The following SYCP1 variants were observed in gnomAD, a reference collection of about 807,000 sequenced individuals.
SYCP1 encodes cancer/testis antigen 8.
In SYCP1, 64 loss-of-function variants were observed where a neutral mutation model predicts 153.1. The ratio of observed to expected loss-of-function variants is 0.42; its 90% confidence interval spans 0.34 to 0.51. The LOEUF (loss-of-function observed/expected upper bound fraction) is 0.51, where lower values mean the gene tolerates loss of function less well. Ranked by LOEUF, SYCP1 falls within the 20% of genes least tolerant of loss-of-function variation. SYCP1 has a pLI of 0.06. For synonymous variants in SYCP1, 384 were observed against 341.8 expected, an observed-to-expected ratio of 1.12 and a Z score of -1.36; for missense variants, 997 against 1,049.0, an observed-to-expected ratio of 0.95 and a Z score of 0.68.
chr1:114,912,108 C>G (rs1249474092), intron 18 of SYCP1, among the ~76,000 whole-genome samples: 4 of 151,880 alleles, frequency 2.6e-5, no homozygotes, highest in African/African-American at 7.3e-5. Context: ...GGTGGCTTCT[C>G]AGTGCTAGAT....
chr1:114,928,267 A>T (rs917865508), intron 23 of SYCP1, among the ~76,000 whole-genome samples: 1 of 150,216 alleles, frequency 6.7e-6, no homozygotes, highest in African/African-American at 2.4e-5. Flanking sequence ...TGCTAAAACC[A>T]AAGATAAAAA....
intron 3 of SYCP1, 75 bp from the exon 4 acceptor site, chr1:114,857,157 A>AAAAG (rs1664040863): frequency 5.0e-5 from 44 of 881,574 alleles, no homozygotes; most frequent in Non-Finnish European, 6.3e-5. Context: ...AAAAAAAAAA[A>AAAAG]GAGAAAAAAG....
Position 114,994,764 on chromosome 1 carries a change from C to T in SYCP1, c.2770C>T (p.Leu924Phe). The T allele has an allele frequency of 6.3e-7, 1 of 1,593,132 alleles. No homozygotes were observed. The highest frequency in any genetic ancestry group is 1.2e-5 in the South Asian group (1 of 86,044). Residue 924 changes from leucine (L) to phenylalanine (F), a missense_variant, in exon 31 of 32, where the codon CTT (leucine) becomes TTT (phenylalanine). By Grantham distance (22) the Leu-to-Phe change is conservative (BLOSUM62 0). Coordinates refer to ENST00000369522, the MANE Select transcript of SYCP1 (RefSeq NM_003176.4). ...YRNNNPPASH[L>F]CVKTPKKAPS... ...GAACAATAATCCACCAGCTTCTCAT[C>T]TTTGTGTCAAAACACCAAAAAAGGT...
rs1243637525 is a variant in SYCP1, at chr1:114,994,784, A to G, written c.2790A>G (p.Lys930=). The G allele has an allele frequency of 6.3e-7, 1 of 1,588,086 alleles. No homozygotes were observed. The highest frequency in any genetic ancestry group is 1.4e-5 in the African/African-American group (1 of 72,980). The part of the protein sequence containing the change: ...PASHLCVKTP[K]KAPSSLTTPG... ...CTCATCTTTGTGTCAAAACACCAAA[A>G]AAGGTAGCTTTTAAATTTTATTTCA... The change falls in exon 31 of 32, where the codon AAA becomes AAG. Residue 930 remains lysine, a synonymous_variant. Coordinates refer to ENST00000369522, the MANE Select transcript of SYCP1 (RefSeq NM_003176.4).
At chr1:114,988,722 C>T (rs1451627042) in intron 30 of SYCP1, among the ~76,000 whole-genome samples, 1 of 152,006 alleles carries the variant, frequency 6.6e-6, no homozygotes, top group Non-Finnish European at 1.5e-5. Flanking sequence ...ATAAATATCT[C>T]TGGTAAACGT....
chr1:114,927,931 C>T (rs1399247586), intron 23 of SYCP1, among the ~76,000 whole-genome samples: 1 of 152,048 alleles, frequency 6.6e-6, no homozygotes. Flanking sequence ...GGTGATCCTC[C>T]TACCTCAGCC....
At chr1:114,929,800 T>G (rs900278151) in intron 23 of SYCP1, among the ~76,000 whole-genome samples, 2 of 152,064 alleles carry the variant, frequency 1.3e-5, no homozygotes, top group African/African-American at 4.8e-5. Context: ...GAACAACTAT[T>G]AAAACATCTA....
intron 15 of SYCP1, among the ~76,000 whole-genome samples, chr1:114,892,188 C>T (rs1236273623): frequency 6.6e-6 from 1 of 152,038 alleles, no homozygotes; most frequent in Non-Finnish European, 1.5e-5. Context: ...TCCTCGTGGG[C>T]CTATCTTCAG....
intron 12 of SYCP1, among the ~76,000 whole-genome samples, chr1:114,884,619 A>G (rs896867595): frequency 6.6e-6 from 1 of 152,162 alleles, no homozygotes; most frequent in Admixed American, 6.6e-5. Context: ...ATATATCACC[A>G]TTATCATCAT....
chr1:114,854,160 T>C (rs1254802818), upstream of SYCP1, among the ~76,000 whole-genome samples: 1 of 151,686 alleles, frequency 6.6e-6, no homozygotes, highest in African/African-American at 2.4e-5. Flanking sequence ...CTCTCTCTCT[T>C]TGAGACAGAA....
chr1:114,953,216 C>G (rs1419500001), intron 27 of SYCP1, among the ~76,000 whole-genome samples: 1 of 152,234 alleles, frequency 6.6e-6, no homozygotes, highest in Non-Finnish European at 1.5e-5. Context: ...TACAAACATT[C>G]AAACCATAGC....
intron 16 of SYCP1, among the ~76,000 whole-genome samples, chr1:114,900,821 C>G (rs1210213053): frequency 6.6e-6 from 1 of 152,172 alleles, no homozygotes; most frequent in African/African-American, 2.4e-5. Flanking sequence ...TTGAACAGTT[C>G]TCAAAAACCA....
rs555160599 is a variant in SYCP1 at position 114,963,505 on chromosome 1, C to T, written c.2323-14052C>T. Among the ~76,000 whole-genome samples, 4 of 152,222 alleles carry T rather than the reference C, an allele frequency of 2.6e-5. 1 individual carries two copies. In the South Asian group the frequency reaches 8.3e-4, roughly 32 times the overall value. On this transcript the variant is annotated intron_variant, in intron 27 of 31. Transcript: ENST00000369522. ...CTATCATCTACATTAGGTATTTCTT[C>T]TAATGCTGTCCCTCCCCTTGCCCCC...
At chr1:114,992,430 C>G (rs1397380663) in intron 30 of SYCP1, among the ~76,000 whole-genome samples, 1 of 151,654 alleles carries the variant, frequency 6.6e-6, no homozygotes, top group Non-Finnish European at 1.5e-5. Flanking sequence ...CAGCATAGTA[C>G]TTGTATAAGG....
rs538848761 is a variant in SYCP1, at chr1:114,915,590, C to A, written c.1718+1545C>A. 2.0e-4 allele frequency among the ~76,000 whole-genome samples: 31 copies of A among 152,334 alleles called. No individual in the cohort carries two copies. The East Asian group carries it at 6.0e-3, about 29-fold the overall frequency. On this transcript the variant is annotated intron_variant, in intron 20 of 31. Transcript: ENST00000369522. ...ACAGCAGCACTTGGTGTCAAAGCCA[C>A]TTTCTGGTCACACATTCATTCCATG... is the stretch of plus-strand genomic sequence containing the variant.
chr1:114,910,293 CAGGGGGAA>C (rs2101667072), intron 16 of SYCP1, 96 bp from the exon 17 acceptor site: 1 of 684,524 alleles, frequency 1.5e-6, no homozygotes, highest in African/African-American at 1.9e-5. Flanking sequence ...GAATTTTAGC[CAGGGGGAA>C]GCTCATAGTT....
rs575639018 is a variant in SYCP1 at position 114,968,290 on chromosome 1, T to G, written c.2323-9267T>G. Reference sequence around the variant, plus strand: ...AAGTGTGTTTTCCAACTTGGTTCCATTCTCCCTGTCACTTTCAGGTACACC... The same window carrying G: ...AAGTGTGTTTTCCAACTTGGTTCCAGTCTCCCTGTCACTTTCAGGTACACC... On this transcript the variant is annotated intron_variant, in intron 27 of 31. Coordinates refer to ENST00000369522, the MANE Select transcript of SYCP1 (RefSeq NM_003176.4). Among the ~76,000 whole-genome samples the G allele has an allele frequency of 4.6e-5, 7 of 152,344 alleles. No individual in the cohort carries two copies. The East Asian group carries it at 1.2e-3, about 25-fold the overall frequency.
intron 8 of SYCP1, among the ~76,000 whole-genome samples, chr1:114,864,814 A>G (rs1335818485): frequency 6.6e-6 from 1 of 151,442 alleles, no homozygotes; most frequent in East Asian, 1.9e-4. Flanking sequence ...CCTCTCTTCC[A>G]GTTTACTGAT....
intron 30 of SYCP1, among the ~76,000 whole-genome samples, chr1:114,992,221 G>A (rs1258703150): frequency 6.6e-6 from 1 of 151,688 alleles, no homozygotes; most frequent in Non-Finnish European, 1.5e-5. Flanking sequence ...TAAGATGTCA[G>A]TGGTACCCAA....
Sources: allele counts gnomAD v4.1 joint callset (sites outside exome capture counted in the v4.1 genomes callset), GRCh38; gene constraint gnomAD v4.1.1; transcripts MANE v1.5; gene names NCBI Gene and HGNC (gene_info 2026-07-23, HGNC 2026-07-21).